TAF1A: variants seen among roughly 807,000 people sequenced by gnomAD.
TAF1A encodes TATA-box binding protein associated factor, RNA polymerase I subunit A.
Under a neutral mutation model 61.6 loss-of-function variants are expected in TAF1A, and 42 were observed. The observed-to-expected ratio is 0.68, with a 90% CI of 0.53 to 0.88. The LOEUF is 0.88. TAF1A is among the 40% of genes least tolerant of loss of function. The pLI, the probability that TAF1A is intolerant of heterozygous loss-of-function variation, is 0.00. For synonymous variants in TAF1A, 179 were observed against 177.7 expected (o/e 1.01, Z -0.06); for missense variants, 424 against 518.7 (o/e 0.82, Z 1.77).
At chr1:222,572,735 G>T (rs1660411975) in intron 5 of TAF1A, among the ~76,000 whole-genome samples, 1 of 152,000 alleles carries the variant, frequency 6.6e-6, no homozygotes, top group Non-Finnish European at 1.5e-5. Flanking sequence ...GCTACAACTG[G>T]ATATCCACAT....
At chr1:222,584,583 C>T (rs1005689715) in intron 2 of TAF1A, among the ~76,000 whole-genome samples, 4 of 152,066 alleles carry the variant, frequency 2.6e-5, no homozygotes, top group Non-Finnish European at 4.4e-5. Flanking sequence ...AAATAATTTG[C>T]GGAGAATCTC....
chr1:222,569,373 C>A, intron 7 of TAF1A, 137 bp downstream of exon 7: 1 of 1,565,278 alleles, frequency 6.4e-7, no homozygotes. Context: ...CTGGAGCCAA[C>A]TTTCTCTGTT....
At chr1:222,583,211 A>G (rs1660862063) in intron 3 of TAF1A, among the ~76,000 whole-genome samples, 1 of 152,128 alleles carries the variant, frequency 6.6e-6, no homozygotes. Flanking sequence ...AGAAAAAGAA[A>G]GTAATAGATT....
chr1:222,557,584 A>G (rs572831841), downstream of TAF1A, among the ~76,000 whole-genome samples: 3 of 151,396 alleles, frequency 2.0e-5, no homozygotes, highest in East Asian at 5.9e-4. Flanking sequence ...CCAAATAGCT[A>G]GGACTACAAG....
downstream of TAF1A, among the ~76,000 whole-genome samples, chr1:222,555,093 T>C (rs983093877): frequency 1.1e-4 from 17 of 152,126 alleles, no homozygotes; most frequent in Admixed American, 1.1e-3. Context: ...AACCAGGAGA[T>C]ACAGCCTCAC....
In TAF1A at chr1:222,563,262, T is replaced by C. The variant is rs201687798; in HGVS notation, c.996A>G (p.Val332=). 1 of 1,612,970 alleles carries C rather than the reference T, an allele frequency of 6.2e-7. No homozygotes were observed. The highest frequency in any genetic ancestry group is 1.3e-5 in the African/African-American group (1 of 74,986). Residue 332 remains valine (V), a synonymous_variant, in exon 9 of 11, where the codon GTA becomes GTG. Coordinates refer to ENST00000352967, the MANE Select transcript of TAF1A (RefSeq NM_005681.4). Reference sequence around the variant, plus strand: ...CGGCAAAATCTAAGACTCCAAATAATACCTCCAACCCCAGTTTACGGTGTT... The same window carrying C: ...CGGCAAAATCTAAGACTCCAAATAACACCTCCAACCCCAGTTTACGGTGTT... ...KEEHRKLGLE[V]LFGVLDFAGC...
chr1:222,589,385 C>A (rs1002915168), intron 1 of TAF1A, among the ~76,000 whole-genome samples: 9 of 152,188 alleles, frequency 5.9e-5, no homozygotes, highest in Non-Finnish European at 1.3e-4. Context: ...ATTACCCTGG[C>A]TCAGATTTTG....
chr1:222,588,498 C>T lies in TAF1A; in HGVS notation c.66G>A (p.Val22=). The T allele has an allele frequency of 6.2e-7, 1 of 1,614,072 alleles. No individual in the cohort carries two copies. Among genetic ancestry groups the T allele is most frequent in the Admixed American group, 1.7e-5 (1 of 60,022 alleles). The change falls in exon 2 of 11, where the codon GTG becomes GTA. Residue 22 remains valine (V), a synonymous_variant. Coordinates refer to ENST00000352967, the MANE Select transcript of TAF1A (RefSeq NM_005681.4). ...VTDDEEVETS[V]LSGAGMHFPW... ...GAAAATGCATTCCTGCACCACTGAG[C>T]ACAGATGTTTCCACTTCTTCATCAT...
intron 5 of TAF1A, among the ~76,000 whole-genome samples, chr1:222,572,863 A>C (rs565870811): frequency 1.6e-3 from 241 of 152,382 alleles, no homozygotes; most frequent in Admixed American, 3.1e-3. Flanking sequence ...ACCTTGCAGT[A>C]GGCAACAGCT....
At chr1:222,565,769 G>T (rs73122834) in intron 7 of TAF1A, among the ~76,000 whole-genome samples, 20,855 of 152,182 alleles carry the variant, frequency 0.14, 1,545 homozygotes, top group Middle Eastern at 0.2. Flanking sequence ...GGCTGAGGTG[G>T]CAGGATCACC....
chr1:222,571,169 T>C (rs1660335261), intron 5 of TAF1A, among the ~76,000 whole-genome samples: 1 of 151,914 alleles, frequency 6.6e-6, no homozygotes, highest in African/African-American at 2.4e-5. Flanking sequence ...AAAAAGCATC[T>C]GAAAAAACAC....
At chr1:222,563,685 G>C (rs1332492508) in intron 8 of TAF1A, among the ~76,000 whole-genome samples, 1 of 152,214 alleles carries the variant, frequency 6.6e-6, no homozygotes, top group East Asian at 1.9e-4. Flanking sequence ...TTCTATGAAG[G>C]AGCATGCTCT....
chr1:222,570,493 T>G (rs1270222997), intron 6 of TAF1A, 42 bp downstream of exon 6: 5 of 1,565,196 alleles, frequency 3.2e-6, no homozygotes, highest in Non-Finnish European at 4.4e-6. Flanking sequence ...TATAGGCTTT[T>G]GACAAAATAA....
intron 2 of TAF1A, among the ~76,000 whole-genome samples, chr1:222,588,179 C>T (rs950399271): frequency 3.9e-5 from 6 of 152,116 alleles, no homozygotes; most frequent in Admixed American, 3.3e-4. Context: ...CCTATGACTC[C>T]CCAATATTTA....
chr1:222,583,896 T>C (rs545907148), intron 3 of TAF1A, among the ~76,000 whole-genome samples: 1 of 148,786 alleles, frequency 6.7e-6, no homozygotes, highest in African/African-American at 2.5e-5. Context: ...GAAACATCCA[T>C]AAAGAGGGGG....
rs1481396463 is a variant in TAF1A at position 222,577,618 on chromosome 1, A to C, written c.431T>G (p.Leu144Arg). ...LKISLQHALY[L>R]LHHGMLKDAK... ...ATCTTTAAGCATTCCATGATGCAGAAGGTATAATGCATGTTGTAAGGAGAT... is the reference window on the plus strand; with the variant it reads ...ATCTTTAAGCATTCCATGATGCAGACGGTATAATGCATGTTGTAAGGAGAT... The change falls in exon 5 of 11, where the codon CTT becomes CGT. Residue 144 changes from leucine (L) to arginine (R), a missense_variant. By Grantham distance (102) the Leu-to-Arg change is moderately radical. Transcript: ENST00000352967. 6.2e-7 allele frequency: 1 copy of C among 1,613,924 alleles called. No homozygotes were observed. The highest frequency in any genetic ancestry group is 2.2e-5 in the East Asian group (1 of 44,848).
Position 222,558,545 on chromosome 1 carries a change from A to C in TAF1A, c.*115T>G. On this transcript the variant is annotated 3_prime_UTR_variant, in exon 11 of 11. Transcript: ENST00000352967. ...ATACAAAAATATAAAAATATATAAA[A>C]ATAAGTTTTTTGTAGTAATATAAGC... is the stretch of plus-strand genomic sequence containing the variant. 1 of 392,352 alleles carries C rather than the reference A, an allele frequency of 2.5e-6. No individual in the cohort carries two copies. Among genetic ancestry groups the C allele is most frequent in the Non-Finnish European group, 4.5e-6 (1 of 221,712 alleles). The allele number at this position is 392,352 out of a possible 1,614,324, so 24.3% of individuals were successfully genotyped here.
At chr1:222,564,796 G>T (rs1390482708) in intron 7 of TAF1A, among the ~76,000 whole-genome samples, 1 of 151,992 alleles carries the variant, frequency 6.6e-6, no homozygotes, top group African/African-American at 2.4e-5. Flanking sequence ...AAAGTACTTT[G>T]ACCTTACATT....
At chr1:222,582,888 A>G (rs1660842748) in intron 3 of TAF1A, among the ~76,000 whole-genome samples, 1 of 152,188 alleles carries the variant, frequency 6.6e-6, no homozygotes, top group Admixed American at 6.5e-5. Context: ...TGTCCAGAAT[A>G]GAAAATAGAT....
Sources: allele counts gnomAD v4.1 joint callset (sites outside exome capture counted in the v4.1 genomes callset), GRCh38; gene constraint gnomAD v4.1.1; transcripts MANE v1.5; gene names NCBI Gene and HGNC (gene_info 2026-07-23, HGNC 2026-07-21).